Variants in SPIRE1 observed in about 807,000 individuals in gnomAD.
The protein encoded by SPIRE1 is protein spire homolog 1.
Under a neutral mutation model 94.1 loss-of-function variants are expected in SPIRE1, and 40 were observed. The ratio of observed to expected loss-of-function variants is 0.43; its 90% confidence interval spans 0.33 to 0.55. The LOEUF (loss-of-function observed/expected upper bound fraction) is 0.55. Among genes scored for constraint, SPIRE1 ranks in the 20% least tolerant of loss-of-function variants. The probability of loss-of-function intolerance (pLI) is 0.06; values close to 1 mark genes in which losing one functional copy is unlikely to be tolerated. For synonymous variants in SPIRE1, 376 were observed against 371.7 expected (o/e 1.01, Z -0.13); for missense variants, 838 against 975.2 (o/e 0.86, Z 1.87).
At chr18:12,515,587 A>G (rs545578032) in intron 4 of SPIRE1, among the ~76,000 whole-genome samples, 1 of 152,324 alleles carries the variant, frequency 6.6e-6, no homozygotes, top group South Asian at 2.1e-4. Flanking sequence ...TAATGTAATG[A>G]AAGCTGTGGT....
intron 2 of SPIRE1, among the ~76,000 whole-genome samples, chr18:12,558,009 T>C (rs1193113428): frequency 6.6e-6 from 1 of 152,186 alleles, no homozygotes; most frequent in Non-Finnish European, 1.5e-5. Context: ...TCTATCGCTA[T>C]GTACAAAAAT....
intron 2 of SPIRE1, among the ~76,000 whole-genome samples, chr18:12,548,136 A>G (rs1300300228): frequency 6.6e-6 from 1 of 152,218 alleles, no homozygotes; most frequent in African/African-American, 2.4e-5. Context: ...ACCTGGTACA[A>G]TATCTGACTT....
intron 2 of SPIRE1, among the ~76,000 whole-genome samples, chr18:12,629,114 G>A (rs2037708544): frequency 6.6e-6 from 1 of 152,118 alleles, no homozygotes; most frequent in Admixed American, 6.6e-5. Context: ...TTAAAATACA[G>A]TTAATCCCCC....
At chr18:12,536,507 G>A (rs1340766226) in intron 3 of SPIRE1, among the ~76,000 whole-genome samples, 2 of 148,488 alleles carry the variant, frequency 1.3e-5, no homozygotes, top group African/African-American at 4.9e-5. Context: ...ATTTTGTAAC[G>A]TAGTAAAAAA....
At chr18:12,611,265 C>T (rs2037133749) in intron 2 of SPIRE1, among the ~76,000 whole-genome samples, 1 of 152,148 alleles carries the variant, frequency 6.6e-6, no homozygotes, top group African/African-American at 2.4e-5. Context: ...CTTATGCAGT[C>T]CCCTCCCACA....
intron 2 of SPIRE1, among the ~76,000 whole-genome samples, chr18:12,564,295 A>G (rs975761806): frequency 1.3e-5 from 2 of 150,776 alleles, no homozygotes; most frequent in African/African-American, 2.5e-5. Context: ...CAGTCATTGG[A>G]AAAAAAATGA....
At position 12,462,593 on chromosome 18, in the gene SPIRE1, C is replaced by T. The variant is rs548527728; in HGVS notation, c.1638+758G>A. On this transcript the variant is annotated intron_variant, in intron 12 of 16. Transcript: ENST00000409402. ...TCTGGAAAACAGCAAAAACTATAAACCAGTTCAACCAAAATAACACCACTG... is the reference window on the plus strand; with the variant it reads ...TCTGGAAAACAGCAAAAACTATAAATCAGTTCAACCAAAATAACACCACTG... Among the ~76,000 whole-genome samples the T allele has an allele frequency of 8.0e-4, 122 of 152,244 alleles. 2 individuals are homozygous for T. The South Asian group carries it at 0.024, about 29-fold the overall frequency.
chr18:12,482,937 C>G (rs1030588714), intron 9 of SPIRE1, among the ~76,000 whole-genome samples: 2 of 139,924 alleles, frequency 1.4e-5, no homozygotes, highest in African/African-American at 2.9e-5. Flanking sequence ...GACTTAATTG[C>G]ACTTTTTTTT....
chr18:12,522,735 TAACTC>T (rs1248787690), intron 4 of SPIRE1, among the ~76,000 whole-genome samples: 1 of 152,296 alleles, frequency 6.6e-6, no homozygotes, highest in African/African-American at 2.4e-5. Flanking sequence ...AGAATTATGT[TAACTC>T]TACTCTGTCT....
In SPIRE1 at chr18:12,658,080, G is replaced by A. The variant is rs2038611237; in HGVS notation, c.-214C>T. The A allele has an allele frequency of 1.0e-6, 1 of 991,888 alleles. No homozygotes were observed. The highest frequency in any genetic ancestry group is 1.2e-6 in the Non-Finnish European group (1 of 835,386). 61.4% of individuals were successfully genotyped at this position (991,888 alleles called of 1,614,324 possible). A position where few individuals can be genotyped will look rare whatever the true frequency, so the allele number is the denominator to read the frequency against. On this transcript the variant is annotated 5_prime_UTR_variant, in exon 1 of 17. Transcript: ENST00000409402. ...CGGCTGCAGTCCCGGTCAGACAGCC[G>A]CCGGCCGGTAGCGACGCGATGGCGT...
intron 2 of SPIRE1, among the ~76,000 whole-genome samples, chr18:12,568,806 T>G (rs2144446880): frequency 6.6e-6 from 1 of 152,324 alleles, no homozygotes; most frequent in South Asian, 2.1e-4. Context: ...CATATATGGT[T>G]TAAAGTTAGA....
intron 2 of SPIRE1, among the ~76,000 whole-genome samples, chr18:12,597,539 C>T (rs568492606): frequency 6.6e-6 from 1 of 152,270 alleles, no homozygotes; most frequent in Admixed American, 6.5e-5. Flanking sequence ...CTTTTTTTAA[C>T]ATTTGCCAAT....
intron 5 of SPIRE1, among the ~76,000 whole-genome samples, chr18:12,511,116 A>T (rs1472235147): frequency 6.6e-6 from 1 of 152,210 alleles, no homozygotes; most frequent in African/African-American, 2.4e-5. Context: ...GTAACTGTTC[A>T]CTGGATAAAT....
In SPIRE1 at chr18:12,645,024, T is replaced by C. The variant is rs138990997; in HGVS notation, c.338-9928A>G. Among the ~76,000 whole-genome samples, 692 of 151,966 alleles carry C rather than the reference T, an allele frequency of 4.6e-3. 5 individuals are homozygous for C. The highest frequency in any genetic ancestry group is 0.014 in the South Asian group (69 of 4,816). ...ACTTTGGGAGGCCAAGGCAGGTAGATGTCTTGAGCCCAGGAGTTCAAGACC... is the reference window on the plus strand; with the variant it reads ...ACTTTGGGAGGCCAAGGCAGGTAGACGTCTTGAGCCCAGGAGTTCAAGACC... On this transcript the variant is annotated intron_variant, in intron 1 of 16. Transcript: ENST00000409402.
intron 2 of SPIRE1, among the ~76,000 whole-genome samples, chr18:12,608,981 TG>T: frequency 6.6e-6 from 1 of 152,142 alleles, no homozygotes; most frequent in South Asian, 2.1e-4. Context: ...GGGTGGGGTG[TG>T]GGGATGGTTT....
chr18:12,593,066 C>T (rs2036576877), intron 2 of SPIRE1, among the ~76,000 whole-genome samples: 1 of 152,152 alleles, frequency 6.6e-6, no homozygotes, highest in Admixed American at 6.5e-5. Context: ...GATTACTCTT[C>T]GTGTTACAAA....
intron 10 of SPIRE1, among the ~76,000 whole-genome samples, chr18:12,468,679 T>G (rs2032222116): frequency 1.3e-5 from 2 of 152,246 alleles, no homozygotes; most frequent in South Asian, 2.1e-4. Flanking sequence ...AACTCAGCAT[T>G]TCTCAGAATC....
chr18:12,514,727 C>T lies in SPIRE1; in HGVS notation c.730-2196G>A, dbSNP rs1316182391. On this transcript the variant is annotated intron_variant, in intron 4 of 16. Transcript: ENST00000409402. ...AAGTTGGGGAGCGGTATCTTATCTG[C>T]CACACAGAAACACATGCTCTGCGTT... Among the ~76,000 whole-genome samples the T allele has an allele frequency of 3.9e-5, 6 of 152,248 alleles. No homozygotes were observed. In the East Asian group the frequency reaches 1.2e-3, roughly 29 times the overall value.
At chr18:12,564,644 G>A (rs1032661748) in intron 2 of SPIRE1, among the ~76,000 whole-genome samples, 2 of 152,104 alleles carry the variant, frequency 1.3e-5, no homozygotes, top group Non-Finnish European at 2.9e-5. Context: ...GTGAATACAG[G>A]TATTCGTGGC....
Sources: allele counts gnomAD v4.1 joint callset (sites outside exome capture counted in the v4.1 genomes callset), GRCh38; gene constraint gnomAD v4.1.1; transcripts MANE v1.5; gene names NCBI Gene and HGNC (gene_info 2026-07-23, HGNC 2026-07-21).